Variants in TENM3 observed in about 807,000 individuals in gnomAD.
TENM3 encodes the protein teneurin transmembrane protein 3, also known as teneurin-3.
Under a neutral mutation model 255.1 loss-of-function variants are expected in TENM3, and 63 were observed. The observed-to-expected ratio is 0.25, with a 90% confidence interval of 0.20 to 0.30. TENM3 has a LOEUF of 0.30. Among genes scored for constraint, TENM3 ranks in the 10% least tolerant of loss-of-function variants. The pLI, the probability that TENM3 is intolerant of heterozygous loss-of-function variation, is 1.00. For missense variants in TENM3, 2,929 were observed against 3,461.1 expected, an observed-to-expected ratio of 0.85 and a Z score of 3.86; for synonymous variants, 1,306 against 1,322.3, an observed-to-expected ratio of 0.99 and a Z score of 0.27.
the TENM3 span, among the ~76,000 whole-genome samples, chr4:181,825,975 G>A: frequency 5.9e-5 from 9 of 152,252 alleles, no homozygotes; most frequent in East Asian, 1.7e-3. Flanking sequence ...CCAAAACCTA[G>A]CGCAGGACCA....
intron 3 of TENM3, among the ~76,000 whole-genome samples, chr4:182,428,786 T>C (rs1771418346): frequency 6.6e-6 from 1 of 152,180 alleles, no homozygotes; most frequent in South Asian, 2.1e-4. Flanking sequence ...AGTATTTTAA[T>C]TTCTCCAAGA....
At chr4:181,485,483 T>A in the TENM3 span, among the ~76,000 whole-genome samples, 1 of 148,778 alleles carries the variant, frequency 6.7e-6, no homozygotes, top group Non-Finnish European at 1.5e-5. Context: ...AGAAGAAGAT[T>A]TTTTTTAAAA....
intron 24 of TENM3, among the ~76,000 whole-genome samples, chr4:182,788,615 C>T (rs549512294): frequency 6.6e-6 from 1 of 152,222 alleles, no homozygotes; most frequent in Non-Finnish European, 1.5e-5. Context: ...TATTGAAACT[C>T]ATTAATAATT....
the TENM3 span, among the ~76,000 whole-genome samples, chr4:181,603,577 A>G: frequency 2.3e-3 from 346 of 152,264 alleles, no homozygotes; most frequent in African/African-American, 7.6e-3. Context: ...TAGTCCCTCA[A>G]TGTTTCCTCT....
At chr4:181,636,278 C>G in the TENM3 span, among the ~76,000 whole-genome samples, 2 of 152,152 alleles carry the variant, frequency 1.3e-5, no homozygotes, top group Middle Eastern at 3.4e-3. Context: ...CTCTTGAACT[C>G]GTGATCCACC....
chr4:182,238,594 A>G (rs1290843674), upstream of TENM3, among the ~76,000 whole-genome samples: 1 of 152,114 alleles, frequency 6.6e-6, no homozygotes, highest in East Asian at 1.9e-4. Flanking sequence ...TGAGTCTCTT[A>G]GGACCTGGGG....
the TENM3 span, among the ~76,000 whole-genome samples, chr4:181,996,022 A>G: frequency 6.6e-6 from 1 of 152,068 alleles, no homozygotes; most frequent in African/African-American, 2.4e-5. Context: ...CTCCTCAGGC[A>G]AACTCAATAA....
the TENM3 span, among the ~76,000 whole-genome samples, chr4:181,904,511 A>G: frequency 1.3e-5 from 2 of 151,632 alleles, no homozygotes; most frequent in Admixed American, 6.6e-5. Context: ...AAATTCAAAA[A>G]ACGATTCCAA....
the TENM3 span, among the ~76,000 whole-genome samples, chr4:182,128,354 CTTTT>C: frequency 6.6e-6 from 1 of 150,644 alleles, no homozygotes; most frequent in Non-Finnish European, 1.5e-5. Flanking sequence ...TTATTTTTTA[CTTTT>C]TTAAGAGACG....
the TENM3 span, among the ~76,000 whole-genome samples, chr4:181,979,128 A>G: frequency 9.5e-6 from 1 of 105,030 alleles, no homozygotes; most frequent in East Asian, 3.2e-4. Context: ...ATATATATAT[A>G]TATATATATA....
chr4:181,539,311 T>C, the TENM3 span, among the ~76,000 whole-genome samples: 1 of 152,216 alleles, frequency 6.6e-6, no homozygotes, highest in Non-Finnish European at 1.5e-5. Flanking sequence ...ATTATTACAA[T>C]GTTTAAAATT....
chr4:182,179,088 CG>C (rs1752691062), intron 1 of TENM3, among the ~76,000 whole-genome samples: 1 of 152,010 alleles, frequency 6.6e-6, no homozygotes, highest in African/African-American at 2.4e-5. Context: ...TAAAATAAAC[CG>C]TAAAAATTGC....
At chr4:182,253,407 A>C (rs1163896212) in intron 1 of TENM3, among the ~76,000 whole-genome samples, 1 of 152,224 alleles carries the variant, frequency 6.6e-6, no homozygotes, top group Non-Finnish European at 1.5e-5. Flanking sequence ...CAGGAGGCAA[A>C]GGTTGTAGTG....
chr4:181,762,543 G>A, the TENM3 span, among the ~76,000 whole-genome samples: 4 of 152,216 alleles, frequency 2.6e-5, no homozygotes, highest in South Asian at 6.2e-4. Flanking sequence ...AGGCAAGCAG[G>A]TCAACTTCAT....
intron 1 of TENM3, among the ~76,000 whole-genome samples, chr4:182,316,362 T>A (rs942099536): frequency 3.9e-5 from 6 of 152,138 alleles, no homozygotes; most frequent in African/African-American, 1.4e-4. Flanking sequence ...GTATGAATTT[T>A]TTTTTTTTCC....
chr4:181,563,195 G>C, the TENM3 span, among the ~76,000 whole-genome samples: 1 of 152,194 alleles, frequency 6.6e-6, no homozygotes, highest in Non-Finnish European at 1.5e-5. Flanking sequence ...GGTGTCGTCA[G>C]CAGGGCTGGT....
At chr4:182,548,159 A>T (rs1321417839) in intron 3 of TENM3, among the ~76,000 whole-genome samples, 1 of 152,074 alleles carries the variant, frequency 6.6e-6, no homozygotes, top group Non-Finnish European at 1.5e-5. Context: ...CAGGAGGTGG[A>T]GGGTGCAGTG....
chr4:182,358,053 C>A (rs1299131576), intron 3 of TENM3, among the ~76,000 whole-genome samples: 1 of 150,754 alleles, frequency 6.6e-6, no homozygotes, highest in African/African-American at 2.4e-5. Flanking sequence ...TTTCTGAGGG[C>A]TCTGTTCTGT....
the TENM3 span, among the ~76,000 whole-genome samples, chr4:182,052,236 A>G: frequency 6.6e-6 from 1 of 151,968 alleles, no homozygotes; most frequent in Non-Finnish European, 1.5e-5. Context: ...TTATCCATAG[A>G]CCTCTTATGA....
Sources: gnomAD v4.1 joint callset for allele counts (sites outside exome capture counted in the v4.1 genomes callset) on GRCh38, gnomAD v4.1.1 for gene constraint, MANE v1.5 for transcripts, NCBI Gene and HGNC (gene_info 2026-07-23, HGNC 2026-07-21) for gene names.